SLC9A9: variants seen among roughly 807,000 people sequenced by gnomAD.
SLC9A9 encodes solute carrier family 9 member A9.
Under a neutral mutation model 77.8 loss-of-function variants are expected in SLC9A9, and 62 were observed. The ratio of observed to expected loss-of-function variants is 0.80; its 90% CI spans 0.65 to 0.98. The LOEUF (loss-of-function observed/expected upper bound fraction) is 0.98. Ranked by LOEUF, SLC9A9 falls within the 50% of genes least tolerant of loss-of-function variation. SLC9A9 has a pLI of 0.00. For synonymous variants in SLC9A9, 320 were observed against 283.5 expected (o/e 1.13, Z -1.29); for missense variants, 775 against 774.9 (o/e 1.00, Z 0.00).
intron 4 of SLC9A9, among the ~76,000 whole-genome samples, chr3:143,702,136 A>G (rs1288695006): frequency 6.6e-6 from 1 of 152,206 alleles, no homozygotes; most frequent in Non-Finnish European, 1.5e-5. Flanking sequence ...AATTTCATCA[A>G]CACCAGACCT....
intron 14 of SLC9A9, among the ~76,000 whole-genome samples, chr3:143,294,625 A>T (rs1470030106): frequency 6.6e-6 from 1 of 152,224 alleles, no homozygotes; most frequent in East Asian, 1.9e-4. Flanking sequence ...AGGCAGTGGC[A>T]ACCACTAGGG....
intron 14 of SLC9A9, among the ~76,000 whole-genome samples, chr3:143,271,272 G>A (rs1207476351): frequency 3.3e-5 from 5 of 152,100 alleles, no homozygotes; most frequent in African/African-American, 1.2e-4. Context: ...GTGAGTATGA[G>A]GACTAAACTG....
chr3:143,550,717 G>A (rs1201039449), intron 9 of SLC9A9, among the ~76,000 whole-genome samples: 1 of 152,168 alleles, frequency 6.6e-6, no homozygotes, highest in Non-Finnish European at 1.5e-5. Context: ...GAAGCTTGCA[G>A]GTATGTGATC....
chr3:143,616,037 C>G (rs1416734167), intron 6 of SLC9A9, among the ~76,000 whole-genome samples: 4 of 152,028 alleles, frequency 2.6e-5, no homozygotes, highest in Non-Finnish European at 4.4e-5. Context: ...CCCACCACCA[C>G]GCCCAGCTAA....
In SLC9A9 at chr3:143,269,163, C is replaced by T. The variant is rs1559846156; in HGVS notation, c.1605-183G>A. On this transcript the variant is annotated intron_variant, in intron 14 of 15. Transcript: ENST00000316549. Reference sequence around the variant, plus strand: ...ATCTTTGTTACACATACTTTTCCAGCCTTCCTGATAGCCTTTATTCATGAA... The same window carrying T: ...ATCTTTGTTACACATACTTTTCCAGTCTTCCTGATAGCCTTTATTCATGAA... Among the ~76,000 whole-genome samples the T allele has an allele frequency of 3.9e-5, 6 of 152,310 alleles. No individual in the cohort carries two copies. The East Asian group carries it at 9.6e-4, about 24-fold the overall frequency.
intron 6 of SLC9A9, among the ~76,000 whole-genome samples, chr3:143,609,114 A>G (rs1031342968): frequency 2.0e-5 from 3 of 152,186 alleles, no homozygotes; most frequent in East Asian, 1.9e-4. Context: ...TCTATTCTCC[A>G]TCAGACTGTG....
chr3:143,411,625 T>C (rs191495641), intron 12 of SLC9A9, among the ~76,000 whole-genome samples: 21 of 152,306 alleles, frequency 1.4e-4, no homozygotes, highest in African/African-American at 5.1e-4. Context: ...TAGAAAGCCC[T>C]TCCTGTACTC....
chr3:143,653,839 G>C (rs1339358145), intron 5 of SLC9A9, among the ~76,000 whole-genome samples: 1 of 152,154 alleles, frequency 6.6e-6, no homozygotes, highest in Non-Finnish European at 1.5e-5. Context: ...TGACCACTGT[G>C]CTTTGTACTT....
intron 4 of SLC9A9, among the ~76,000 whole-genome samples, chr3:143,783,483 C>T (rs1414298882): frequency 6.6e-6 from 1 of 152,146 alleles, no homozygotes; most frequent in Admixed American, 6.5e-5. Context: ...CGCAGTCCTA[C>T]CCTGGCACAG....
At chr3:143,390,480 A>T (rs1413815870) in intron 12 of SLC9A9, among the ~76,000 whole-genome samples, 5 of 152,180 alleles carry the variant, frequency 3.3e-5, no homozygotes, top group African/African-American at 4.8e-5. Context: ...TTGTTCCAAG[A>T]TGGCCAAATA....
At chr3:143,271,391 T>G (rs376882615) in intron 14 of SLC9A9, among the ~76,000 whole-genome samples, 2 of 152,338 alleles carry the variant, frequency 1.3e-5, no homozygotes, top group East Asian at 3.9e-4. Flanking sequence ...TTACTTATCC[T>G]CTGAGCCTCA....
chr3:143,644,072 A>G (rs2038664870), intron 6 of SLC9A9, among the ~76,000 whole-genome samples: 1 of 152,140 alleles, frequency 6.6e-6, no homozygotes, highest in South Asian at 2.1e-4. Context: ...TGAGGCTAGC[A>G]CTCAGAGACA....
chr3:143,415,937 C>T (rs964034721), intron 12 of SLC9A9, among the ~76,000 whole-genome samples: 1 of 152,074 alleles, frequency 6.6e-6, no homozygotes, highest in African/African-American at 2.4e-5. Context: ...GGAAGGAGGT[C>T]AAAACATCAA....
At chr3:143,648,689 T>C (rs974776159) in intron 6 of SLC9A9, among the ~76,000 whole-genome samples, 1 of 152,184 alleles carries the variant, frequency 6.6e-6, no homozygotes, top group Non-Finnish European at 1.5e-5. Flanking sequence ...GTGCTTCCAA[T>C]GAAGCTGATT....
intron 11 of SLC9A9, among the ~76,000 whole-genome samples, chr3:143,489,046 A>G (rs2035698594): frequency 6.6e-6 from 1 of 151,990 alleles, no homozygotes; most frequent in South Asian, 2.1e-4. Context: ...AAGTAGCAAG[A>G]CATAAAGTCA....
rs3055626 is a variant in SLC9A9 at position 143,726,251 on chromosome 3, G to GAAAA, written c.534-32948_534-32945dup. Among the ~76,000 whole-genome samples the GAAAA allele has an allele frequency of 2.1e-3, 284 of 136,902 alleles. 1 individual carries two copies. Among genetic ancestry groups the GAAAA allele is most frequent in the Middle Eastern group, 3.8e-3 (1 of 260 alleles). The allele number at this position is 136,902 out of a possible 152,430, so 89.8% of individuals were successfully genotyped here. A position where few individuals can be genotyped will look rare whatever the true frequency, so the allele number is the denominator to read the frequency against. ...AAAATAAAAGTTGGAAATAAAAAAAGAAAAAAAAAAAAAAGAAACACAGTT... is the reference window on the plus strand; with the variant it reads ...AAAATAAAAGTTGGAAATAAAAAAAGAAAAAAAAAAAAAAAAAAGAAACACAGTT... On this transcript the variant is annotated intron_variant, in intron 4 of 15. Transcript: ENST00000316549.
chr3:143,450,103 A>T (rs1434939797), intron 12 of SLC9A9, among the ~76,000 whole-genome samples: 1 of 123,172 alleles, frequency 8.1e-6, no homozygotes, highest in East Asian at 2.3e-4. Flanking sequence ...CATATATAAT[A>T]TACATATTAT....
intron 8 of SLC9A9, among the ~76,000 whole-genome samples, chr3:143,560,162 G>T (rs983973415): frequency 3.9e-5 from 6 of 152,214 alleles, no homozygotes; most frequent in African/African-American, 1.4e-4. Flanking sequence ...GGATTTAAAT[G>T]CAGATTCTCC....
intron 12 of SLC9A9, among the ~76,000 whole-genome samples, chr3:143,391,457 CCAT>C (rs2108505203): frequency 6.6e-6 from 1 of 152,298 alleles, no homozygotes; most frequent in African/African-American, 2.4e-5. Flanking sequence ...CTGTACGTCA[CCAT>C]CATCAAACAC....
Sources: gnomAD v4.1 joint callset for allele counts (sites outside exome capture counted in the v4.1 genomes callset) on GRCh38, gnomAD v4.1.1 for gene constraint, MANE v1.5 for transcripts, NCBI Gene and HGNC (gene_info 2026-07-23, HGNC 2026-07-21) for gene names.